The following BRAF variants were observed in gnomAD, a reference collection of about 807,000 sequenced individuals.
BRAF encodes B-Raf proto-oncogene, serine/threonine kinase.
A neutral mutation model predicts 104.6 loss-of-function variants in BRAF; 16 were observed. The observed-to-expected ratio is 0.15, with a 90% CI of 0.10 to 0.23. The LOEUF is 0.23. Ranked by LOEUF, BRAF falls within the 10% of genes least tolerant of loss-of-function variation. The pLI is 1.00. For missense variants in BRAF, 541 were observed against 937.3 expected (o/e 0.58, Z 5.52); for synonymous variants, 310 against 341.6 (o/e 0.91, Z 1.02).
At chr7:140,853,925 G>T (rs562116018) in intron 1 of BRAF, among the ~76,000 whole-genome samples, 1 of 152,184 alleles carries the variant, frequency 6.6e-6, no homozygotes, top group East Asian at 1.9e-4. Context: ...CCAGAGCCTA[G>T]AACAGTGCCT....
intron 19 of BRAF, chr7:140,730,944 A>C (rs1175154645): frequency 1.3e-5 from 2 of 152,192 alleles, no homozygotes; most frequent in East Asian, 3.8e-4. Flanking sequence ...CTTGACATTT[A>C]AGGAGAAAGT....
In BRAF at chr7:140,888,527, C is replaced by T. The variant is rs549494730; in HGVS notation, c.138+36039G>A. ...ACTCTACTACAAGCTGCTTGTCATCCATAATACAGGATAAAAACAATGATC... is the reference window on the plus strand; with the variant it reads ...ACTCTACTACAAGCTGCTTGTCATCTATAATACAGGATAAAAACAATGATC... On this transcript the variant is annotated intron_variant, in intron 1 of 19. Coordinates refer to ENST00000644969, the MANE Select transcript of BRAF (RefSeq NM_001374258.1). Among the ~76,000 whole-genome samples, 391 of 152,154 alleles carry T rather than the reference C, an allele frequency of 2.6e-3. 1 individual carries two copies. Among genetic ancestry groups the T allele is most frequent in the Non-Finnish European group, 3.9e-3 (264 of 67,996 alleles).
At position 140,791,465 on chromosome 7, in the gene BRAF, G is replaced by GAGAC. The variant is rs3048921; in HGVS notation, c.1140+2839_1140+2842dup. On this transcript the variant is annotated intron_variant, in intron 8 of 19. Transcript: ENST00000644969. ...ACTTAGGAAGAGCCAGCCCATAAAG[G>GAGAC]AGACAGAGAGTCTCTGCCTGCACCT... is the stretch of plus-strand genomic sequence containing the variant. 7.6e-3 allele frequency among the ~76,000 whole-genome samples: 1,158 copies of GAGAC among 152,192 alleles called. 16 individuals are homozygous for GAGAC. Among genetic ancestry groups the GAGAC allele is most frequent in the African/African-American group, 0.026 (1,094 of 41,530 alleles).
intron 3 of BRAF, among the ~76,000 whole-genome samples, chr7:140,815,359 A>G (rs1428454102): frequency 6.7e-6 from 1 of 150,212 alleles, no homozygotes; most frequent in Non-Finnish European, 1.5e-5. Context: ...GTTAGCCAAG[A>G]TGGTCTCGAT....
chr7:140,717,603 C>CA (rs891207747), downstream of BRAF, among the ~76,000 whole-genome samples: 1 of 152,178 alleles, frequency 6.6e-6, no homozygotes, highest in South Asian at 2.1e-4. Flanking sequence ...CTATATAACT[C>CA]AAAAGACAGT....
intron 1 of BRAF, among the ~76,000 whole-genome samples, chr7:140,920,233 C>G (rs1818073235): frequency 6.6e-6 from 1 of 152,116 alleles, no homozygotes; most frequent in Non-Finnish European, 1.5e-5. Context: ...ACTAGGTATT[C>G]AGCTAAATTA....
chr7:140,766,261 A>T (rs563476376), intron 14 of BRAF, among the ~76,000 whole-genome samples: 1 of 151,394 alleles, frequency 6.6e-6, no homozygotes, highest in East Asian at 2.0e-4. Flanking sequence ...GGACACAGGA[A>T]GGGGAACATC....
chr7:140,819,794 T>C (rs1805282500), intron 3 of BRAF, among the ~76,000 whole-genome samples: 1 of 152,032 alleles, frequency 6.6e-6, no homozygotes, highest in South Asian at 2.1e-4. Context: ...TCTATAGAGA[T>C]AGGGAGCAAA....
chr7:140,719,592 T>C lies in BRAF; in HGVS notation c.*6902A>G. ...ACCTGAGCAGGAAAGAGAACCAAAG[T>C]ATCAGGAAGTGGGTATGGGGGAGAA... On this transcript the variant is annotated 3_prime_UTR_variant, in exon 20 of 20. Coordinates refer to ENST00000644969, the MANE Select transcript of BRAF (RefSeq NM_001374258.1). 9.4e-7 allele frequency: 1 copy of C among 1,059,676 alleles called. No individual in the cohort carries two copies. The highest frequency in any genetic ancestry group is 1.1e-6 in the Non-Finnish European group (1 of 875,158). The allele number at this position is 1,059,676 out of a possible 1,614,324, so 65.6% of individuals were successfully genotyped here.
At chr7:140,871,612 A>C (rs1811605143) in intron 1 of BRAF, among the ~76,000 whole-genome samples, 1 of 152,174 alleles carries the variant, frequency 6.6e-6, no homozygotes, top group African/African-American at 2.4e-5. Context: ...AAAAACCAAG[A>C]GCATAAAAAA....
At chr7:140,907,546 C>T (rs1288944808) in intron 1 of BRAF, among the ~76,000 whole-genome samples, 1 of 152,056 alleles carries the variant, frequency 6.6e-6, no homozygotes, top group South Asian at 2.1e-4. Context: ...CAGGCATAAG[C>T]CACCGTGCCC....
Position 140,723,263 on chromosome 7 carries a change from C to T in BRAF, c.*3231G>A, listed in dbSNP as rs962993016. On this transcript the variant is annotated 3_prime_UTR_variant, in exon 20 of 20. Transcript: ENST00000644969. ...ACATCCTGTGATGAAAGTGCTGTCA[C>T]CGCACCAAACCAGAAGCTAGGAAAT... is the stretch of plus-strand genomic sequence containing the variant. 110 of 1,056,280 alleles carry T rather than the reference C, an allele frequency of 1.0e-4. No homozygotes were observed. The highest frequency in any genetic ancestry group is 1.2e-4 in the Non-Finnish European group (102 of 873,852). The allele number at this position is 1,056,280 out of a possible 1,614,324, so 65.4% of individuals were successfully genotyped here. A position where few individuals can be genotyped will look rare whatever the true frequency, so the allele number is the denominator to read the frequency against.
intron 1 of BRAF, among the ~76,000 whole-genome samples, chr7:140,866,637 T>C (rs1212857773): frequency 6.6e-6 from 1 of 152,196 alleles, no homozygotes; most frequent in Admixed American, 6.5e-5. Flanking sequence ...AAATAATAGT[T>C]AAGATCAGAG....
chr7:140,842,096 T>C (rs1020052937), intron 2 of BRAF, among the ~76,000 whole-genome samples: 1 of 152,182 alleles, frequency 6.6e-6, no homozygotes, highest in African/African-American at 2.4e-5. Context: ...ATTAATTTCA[T>C]TGAAGGGTTT....
At chr7:140,844,212 G>A (rs922391617) in intron 2 of BRAF, among the ~76,000 whole-genome samples, 50 of 151,542 alleles carry the variant, frequency 3.3e-4, no homozygotes, top group African/African-American at 1.1e-3. Context: ...TTCTATAGAC[G>A]TAACTTGCCT....
At chr7:140,881,815 G>T (rs1025753102) in intron 1 of BRAF, among the ~76,000 whole-genome samples, 9 of 152,178 alleles carry the variant, frequency 5.9e-5, no homozygotes, top group African/African-American at 2.2e-4. Flanking sequence ...CTGGAGAAGA[G>T]TTGGGGGAAC....
At chr7:140,866,210 G>GT (rs909340294) in intron 1 of BRAF, among the ~76,000 whole-genome samples, 1 of 152,164 alleles carries the variant, frequency 6.6e-6, no homozygotes, top group Non-Finnish European at 1.5e-5. Flanking sequence ...ACTTTTAATT[G>GT]TAAGTATTTT....
intron 18 of BRAF, among the ~76,000 whole-genome samples, chr7:140,736,707 G>A (rs890142426): frequency 6.6e-6 from 1 of 151,476 alleles, no homozygotes; most frequent in Admixed American, 6.6e-5. Context: ...GATTACAGGC[G>A]TGAGCCACCG....
At chr7:140,846,786 C>G (rs186751382) in intron 2 of BRAF, among the ~76,000 whole-genome samples, 32 of 152,210 alleles carry the variant, frequency 2.1e-4, no homozygotes, top group Admixed American at 2.0e-3. Context: ...AGATCTAGCT[C>G]TTCACTGATG....
Sources: gnomAD v4.1 joint callset for allele counts (sites outside exome capture counted in the v4.1 genomes callset) on GRCh38, gnomAD v4.1.1 for gene constraint, MANE v1.5 for transcripts, NCBI Gene and HGNC (gene_info 2026-07-23, HGNC 2026-07-21) for gene names.